TMEM132B: variants seen among roughly 807,000 people sequenced by gnomAD.
The protein encoded by TMEM132B is transmembrane protein 132B.
A neutral mutation model predicts 90.8 loss-of-function variants in TMEM132B; 18 were observed. That is an observed-to-expected ratio of 0.20 (90% CI 0.14 to 0.29). The LOEUF (loss-of-function observed/expected upper bound fraction) is 0.29, where lower values mean the gene tolerates loss of function less well. TMEM132B is among the 10% of genes least tolerant of loss of function. The pLI, the probability that TMEM132B is intolerant of heterozygous loss-of-function variation, is 1.00. For missense variants in TMEM132B, 1,096 were observed against 1,326.8 expected, an observed-to-expected ratio of 0.83 and a Z score of 2.70; for synonymous variants, 504 against 523.3, an observed-to-expected ratio of 0.96 and a Z score of 0.50.
intron 1 of TMEM132B, among the ~76,000 whole-genome samples, chr12:125,225,261 A>C (rs981563078): frequency 1.3e-5 from 2 of 152,240 alleles, no homozygotes; most frequent in Non-Finnish European, 2.9e-5. Context: ...TAGCAGGGTG[A>C]GAGGTTACTG....
intron 1 of TMEM132B, among the ~76,000 whole-genome samples, chr12:125,187,145 T>G (rs1166319688): frequency 6.6e-6 from 1 of 152,008 alleles, no homozygotes; most frequent in East Asian, 1.9e-4. Context: ...TCGAGGCGGG[T>G]GGGGACGCGA....
chr12:125,281,294 C>G (rs1175217333), intron 1 of TMEM132B, among the ~76,000 whole-genome samples: 2 of 152,152 alleles, frequency 1.3e-5, no homozygotes, highest in Non-Finnish European at 2.9e-5. Context: ...CTGTGTTTTG[C>G]TTCTGAGGTG....
intron 1 of TMEM132B, among the ~76,000 whole-genome samples, chr12:125,348,971 A>G (rs1280108074): frequency 6.6e-6 from 1 of 152,234 alleles, no homozygotes; most frequent in Non-Finnish European, 1.5e-5. Flanking sequence ...CAATAACAAT[A>G]GTAGAGATGT....
rs79193366 is a variant in TMEM132B, at chr12:125,593,120, C to T, written c.1437+9126C>T. ...TTCCTTTGCCCATCACTGGGAGCTG[C>T]GCAGCTAAGAATAAGTTGTCAGGCA... On this transcript the variant is annotated intron_variant, in intron 5 of 8. Coordinates refer to ENST00000682704, the MANE Select transcript of TMEM132B (RefSeq NM_001366854.1). Among the ~76,000 whole-genome samples the T allele has an allele frequency of 5.1e-3, 770 of 152,310 alleles. 6 individuals carry two copies. The highest frequency in any genetic ancestry group is 0.018 in the African/African-American group (748 of 41,556).
At chr12:125,369,231 A>G (rs1025649160) in intron 2 of TMEM132B, among the ~76,000 whole-genome samples, 2 of 152,192 alleles carry the variant, frequency 1.3e-5, no homozygotes, top group African/African-American at 2.4e-5. Context: ...ATAGTATTCC[A>G]TGGTGTACAT....
chr12:125,350,229 G>A lies in TMEM132B; in HGVS notation c.845G>A (p.Ser282Asn), dbSNP rs1280209784. The A allele has an allele frequency of 6.2e-7, 1 of 1,614,160 alleles. No individual in the cohort carries two copies. The highest frequency in any genetic ancestry group is 8.5e-7 in the Non-Finnish European group (1 of 1,180,034). ...GATGATCTGAAGTGGTCCCTGGTGA[G>A]CTTGGACGAGAATGTGGTCATCTCG... ...TQDDLKWSLVSLDENVVISVP... is the reference protein window; with the variant it reads ...TQDDLKWSLVNLDENVVISVP... Residue 282 changes from serine to asparagine, a missense_variant, in exon 2 of 9, where the codon AGC becomes AAC. Physicochemically the swap from Ser to Asn is conservative, Grantham distance 46. Coordinates refer to ENST00000682704, the MANE Select transcript of TMEM132B (RefSeq NM_001366854.1).
chr12:125,312,726 C>T (rs180758938), intron 1 of TMEM132B, among the ~76,000 whole-genome samples: 3 of 152,296 alleles, frequency 2.0e-5, no homozygotes, highest in Admixed American at 2.0e-4. Context: ...ACAGGTTTCA[C>T]CTTGCAGAAA....
At chr12:125,364,711 A>C (rs192807930) in intron 2 of TMEM132B, among the ~76,000 whole-genome samples, 2 of 152,184 alleles carry the variant, frequency 1.3e-5, no homozygotes, top group Admixed American at 6.5e-5. Context: ...CATTGTACAG[A>C]TCTTGCACAT....
chr12:125,622,507 A>G, intron 5 of TMEM132B: 1 of 985,346 alleles, frequency 1.0e-6, no homozygotes, highest in Non-Finnish European at 1.2e-6. Flanking sequence ...CAGTCAAGAA[A>G]GGTGTAGATC....
Position 125,420,583 on chromosome 12 carries a change from C to T in TMEM132B, c.1106+4906C>T, listed in dbSNP as rs181854053. ...TGGGCTTCTGGGCCTCTGATGGGAG[C>T]GACTGCCAGGAAGGTCTGTGACATG... On this transcript the variant is annotated intron_variant, in intron 3 of 8. Coordinates refer to ENST00000682704, the MANE Select transcript of TMEM132B (RefSeq NM_001366854.1). Among the ~76,000 whole-genome samples, 34 of 152,260 alleles carry T rather than the reference C, an allele frequency of 2.2e-4. No homozygotes were observed. In the East Asian group the frequency reaches 6.4e-3, roughly 29 times the overall value.
At chr12:125,193,045 G>C (rs1351229549) in intron 1 of TMEM132B, among the ~76,000 whole-genome samples, 1 of 152,186 alleles carries the variant, frequency 6.6e-6, no homozygotes, top group Non-Finnish European at 1.5e-5. Context: ...CCCTGAGGCT[G>C]TTAGCACAGG....
At chr12:125,230,810 A>G (rs1464186761) in intron 1 of TMEM132B, among the ~76,000 whole-genome samples, 1 of 152,026 alleles carries the variant, frequency 6.6e-6, no homozygotes, top group Admixed American at 6.5e-5. Flanking sequence ...TGTTTTATCA[A>G]GTCTTCCAGG....
At chr12:125,230,082 G>A (rs1434451900) in intron 1 of TMEM132B, among the ~76,000 whole-genome samples, 1 of 152,248 alleles carries the variant, frequency 6.6e-6, no homozygotes, top group East Asian at 1.9e-4. Context: ...AGCTGGGCAA[G>A]ATGAACAGAA....
rs1040255140 is a variant in TMEM132B at position 125,458,038 on chromosome 12, TGAA to T, written c.1106+42366_1106+42368del. Among the ~76,000 whole-genome samples the T allele has an allele frequency of 3.9e-5, 6 of 151,982 alleles. No homozygotes were observed. Among genetic ancestry groups the T allele is most frequent in the African/African-American group, 1.5e-4 (6 of 41,368 alleles). Reference sequence around the variant, plus strand: ...GTCTCAGGTGATCCCTGGAGAGGTTTGAAGAAGGAGGCAGAGGGTGGTCATGAG... The same window carrying T: ...GTCTCAGGTGATCCCTGGAGAGGTTTGAAGGAGGCAGAGGGTGGTCATGAG... On this transcript the variant is annotated intron_variant, in intron 3 of 8. Transcript: ENST00000682704. This position sits in a 1 kb window ranked among gnomAD's most constrained non-coding sequence, Gnocchi z 4.9.
At chr12:125,595,044 T>G (rs191835748) in intron 5 of TMEM132B, among the ~76,000 whole-genome samples, 1 of 133,828 alleles carries the variant, frequency 7.5e-6, no homozygotes, top group Admixed American at 7.3e-5. Context: ...GATCAGCCTT[T>G]CCTTAGAGTC....
At chr12:125,412,919 C>T (rs530321966) in intron 2 of TMEM132B, among the ~76,000 whole-genome samples, 43 of 152,112 alleles carry the variant, frequency 2.8e-4, no homozygotes, top group Non-Finnish European at 5.0e-4. Flanking sequence ...CAGAATTCAG[C>T]GGAAGAATGA....
chr12:125,265,406 A>G (rs1312190149), intron 1 of TMEM132B, among the ~76,000 whole-genome samples: 1 of 152,080 alleles, frequency 6.6e-6, no homozygotes, highest in Non-Finnish European at 1.5e-5. Flanking sequence ...AATTATAACA[A>G]TATACTGTGA....
chr12:125,456,254 AG>A (rs538945283), intron 3 of TMEM132B, among the ~76,000 whole-genome samples: 3 of 152,328 alleles, frequency 2.0e-5, no homozygotes, highest in African/African-American at 7.2e-5. Flanking sequence ...CAAGGTGAAA[AG>A]GAGCCAACTG....
At chr12:125,473,177 C>A (rs1034196470) in intron 3 of TMEM132B, among the ~76,000 whole-genome samples, 5 of 152,242 alleles carry the variant, frequency 3.3e-5, no homozygotes, top group African/African-American at 1.2e-4. Flanking sequence ...CTCATTCCCA[C>A]CTCAGGGCCT....
Sources: allele counts gnomAD v4.1 joint callset (sites outside exome capture counted in the v4.1 genomes callset), GRCh38; gene constraint gnomAD v4.1.1; non-coding constraint Gnocchi (gnomAD v3.1); transcripts MANE v1.5; gene names NCBI Gene and HGNC (gene_info 2026-07-23, HGNC 2026-07-21).